TCF12: variants seen among roughly 807,000 people sequenced by gnomAD.
TCF12 encodes DNA-binding protein HTF4.
TCF12 carries 45 observed loss-of-function variants against 86.0 expected under a neutral mutation model. That is an observed-to-expected ratio of 0.52 (90% CI 0.41 to 0.67). The LOEUF is 0.67. Ranked by LOEUF, TCF12 falls within the 30% of genes least tolerant of loss-of-function variation. TCF12 has a pLI of 0.00. For missense variants in TCF12, 881 were observed against 859.9 expected (o/e 1.02, Z -0.31); for synonymous variants, 330 against 299.6 (o/e 1.10, Z -1.05).
At chr15:57,105,010 AT>A (rs1277570071) in intron 5 of TCF12, among the ~76,000 whole-genome samples, 1 of 151,356 alleles carries the variant, frequency 6.6e-6, no homozygotes, top group Non-Finnish European at 1.5e-5. Flanking sequence ...AGTAGCTGGG[AT>A]TACAGGTGCC....
intron 5 of TCF12, among the ~76,000 whole-genome samples, chr15:57,121,830 A>G (rs774627206): frequency 1.3e-5 from 2 of 152,192 alleles, no homozygotes; most frequent in African/African-American, 4.8e-5. Flanking sequence ...TTAAAAAGGA[A>G]TAATGTTCAT....
chr15:57,124,352 C>T (rs1331697435), intron 5 of TCF12, among the ~76,000 whole-genome samples: 1 of 152,100 alleles, frequency 6.6e-6, no homozygotes, highest in African/African-American at 2.4e-5. Context: ...CTATGACAAA[C>T]AATGCTGAGA....
chr15:57,044,552 A>T (rs2951901), intron 3 of TCF12, among the ~76,000 whole-genome samples: 84,369 of 151,988 alleles, frequency 0.56, 23,767 homozygotes, highest in Admixed American at 0.61. Flanking sequence ...AGAGTTCCAG[A>T]TTTGTGACTG....
chr15:56,987,574 C>T (rs1595981187), intron 3 of TCF12, among the ~76,000 whole-genome samples: 1 of 152,104 alleles, frequency 6.6e-6, no homozygotes, highest in East Asian at 1.9e-4. Context: ...TAAGACTAGT[C>T]ATTGTTAGGT....
At chr15:57,083,894 A>G (rs929449294) in intron 4 of TCF12, among the ~76,000 whole-genome samples, 2 of 152,192 alleles carry the variant, frequency 1.3e-5, no homozygotes, top group African/African-American at 4.8e-5. Flanking sequence ...TAAATTTTAT[A>G]GAAGTTAAGC....
intron 3 of TCF12, among the ~76,000 whole-genome samples, chr15:57,026,100 T>A (rs1232601875): frequency 6.6e-6 from 1 of 152,198 alleles, no homozygotes; most frequent in Non-Finnish European, 1.5e-5. Context: ...GGAAAATTCT[T>A]TTTGGAAAGG....
At position 57,289,593 on chromosome 15, in the gene TCF12, AAC is replaced by A. The variant is rs1199360079; in HGVS notation, c.*3453_*3454del. On this transcript the variant is annotated 3_prime_UTR_variant, in exon 21 of 21. Coordinates refer to ENST00000333725, the MANE Select transcript of TCF12 (RefSeq NM_207037.2). Reference sequence around the variant, plus strand: ...TTTTTCCTTGGAAACTCAAAATTTAAACACACGTCGTGTGTGTGTGTGTGTGT... The same window carrying A: ...TTTTTCCTTGGAAACTCAAAATTTAAACACGTCGTGTGTGTGTGTGTGTGT... 3.6e-5 allele frequency: 5 copies of A among 137,994 alleles called. No individual in the cohort carries two copies. The highest frequency in any genetic ancestry group is 2.2e-4 in the South Asian group (1 of 4,462). 8.5% of individuals were successfully genotyped at this position (137,994 alleles called of 1,614,324 possible). A position where few individuals can be genotyped will look rare whatever the true frequency, so the allele number is the denominator to read the frequency against.
At chr15:56,996,634 G>A (rs2063731102) in intron 3 of TCF12, among the ~76,000 whole-genome samples, 1 of 152,054 alleles carries the variant, frequency 6.6e-6, no homozygotes, top group Non-Finnish European at 1.5e-5. Context: ...AAGAAAAATT[G>A]ACCAATGAGA....
chr15:56,930,121 T>C (rs957436627), intron 3 of TCF12, among the ~76,000 whole-genome samples: 2 of 152,152 alleles, frequency 1.3e-5, no homozygotes, highest in Non-Finnish European at 2.9e-5. Context: ...CTCCAGTCAG[T>C]GAGTGAATGT....
At chr15:57,019,998 C>T (rs1192000698) in intron 3 of TCF12, among the ~76,000 whole-genome samples, 4 of 152,114 alleles carry the variant, frequency 2.6e-5, no homozygotes, top group South Asian at 2.1e-4. Context: ...TGGCCTATAT[C>T]CAGGAATGAG....
chr15:57,250,747 A>G (rs1420686303), intron 13 of TCF12, among the ~76,000 whole-genome samples: 2 of 151,348 alleles, frequency 1.3e-5, no homozygotes, highest in African/African-American at 4.9e-5. Flanking sequence ...AAGAAAAAAA[A>G]TTAGCCAACG....
intron 8 of TCF12, among the ~76,000 whole-genome samples, chr15:57,200,096 G>A (rs1159193435): frequency 6.8e-6 from 1 of 147,348 alleles, no homozygotes; most frequent in Admixed American, 6.9e-5. Flanking sequence ...AGGCCAGGAT[G>A]GTCTTGAACT....
intron 3 of TCF12, among the ~76,000 whole-genome samples, chr15:57,044,847 A>G (rs2470081): frequency 0.82 from 124,323 of 152,134 alleles, 51,282 homozygotes; most frequent in African/African-American, 0.93. Flanking sequence ...GTGGAATGGG[A>G]CATTTTGGGA....
chr15:57,202,992 CA>C (rs370730804), intron 8 of TCF12, among the ~76,000 whole-genome samples: 5 of 151,454 alleles, frequency 3.3e-5, no homozygotes, highest in Admixed American at 6.6e-5. Flanking sequence ...GAAAAGCAAA[CA>C]AAAAAAAGTT....
chr15:56,946,135 T>C (rs2060984744), intron 3 of TCF12, among the ~76,000 whole-genome samples: 1 of 152,222 alleles, frequency 6.6e-6, no homozygotes, highest in African/African-American at 2.4e-5. Flanking sequence ...GATGTATGTT[T>C]ATAGTTGTTC....
intron 3 of TCF12, among the ~76,000 whole-genome samples, chr15:57,043,977 A>G (rs1226116979): frequency 6.6e-6 from 1 of 152,118 alleles, no homozygotes; most frequent in Non-Finnish European, 1.5e-5. Flanking sequence ...ACCGAAAACT[A>G]TGATGGAAAG....
At chr15:57,208,321 C>T (rs201083711) in intron 8 of TCF12, among the ~76,000 whole-genome samples, 12 of 150,664 alleles carry the variant, frequency 8.0e-5, no homozygotes, top group East Asian at 7.9e-4. Flanking sequence ...TGTGAGCCAC[C>T]GCCCCTGGCC....
At chr15:57,113,431 T>C (rs1279235406) in intron 5 of TCF12, among the ~76,000 whole-genome samples, 4 of 152,200 alleles carry the variant, frequency 2.6e-5, no homozygotes, top group African/African-American at 9.6e-5. Context: ...CAGGTCTCCT[T>C]GTTATTTATA....
At chr15:57,170,694 A>ATC (rs1567558425) in intron 6 of TCF12, among the ~76,000 whole-genome samples, 1 of 1,874 alleles carries the variant, frequency 5.3e-4, no homozygotes, top group Non-Finnish European at 9.3e-4. Context: ...TATATAATAT[A>ATC]TATTATATAT....
Sources: gnomAD v4.1 joint callset for allele counts (sites outside exome capture counted in the v4.1 genomes callset) on GRCh38, gnomAD v4.1.1 for gene constraint, MANE v1.5 for transcripts, NCBI Gene and HGNC (gene_info 2026-07-23, HGNC 2026-07-21) for gene names.